Variants in BFSP1 observed in about 807,000 individuals in gnomAD.
The protein encoded by BFSP1 is beaded filament structural protein 1.
A neutral mutation model predicts 43.9 loss-of-function variants in BFSP1; 38 were observed. The observed-to-expected ratio is 0.87, with a 90% CI of 0.67 to 1.14. The LOEUF (loss-of-function observed/expected upper bound fraction) is 1.14, where lower values mean the gene tolerates loss of function less well. BFSP1 is among the 50% of genes most tolerant of loss of function. The pLI, the probability that BFSP1 is intolerant of heterozygous loss-of-function variation, is 0.00. For missense variants in BFSP1, 850 were observed against 875.1 expected (o/e 0.97, Z 0.36); for synonymous variants, 352 against 354.8 (o/e 0.99, Z 0.09).
chr20:17,516,568 T>C (rs2034205879), intron 2 of BFSP1, among the ~76,000 whole-genome samples: 1 of 152,186 alleles, frequency 6.6e-6, no homozygotes, highest in Non-Finnish European at 1.5e-5. Flanking sequence ...TGTATGGACC[T>C]TGGGGGCCTG....
intron 7 of BFSP1, 55 bp downstream of exon 7, chr20:17,496,883 G>A (rs1205369464): frequency 1.1e-5 from 15 of 1,386,804 alleles, no homozygotes; most frequent in African/African-American, 3.0e-5. Context: ...GAAGAGAGCC[G>A]CTTGGTTTTT....
chr20:17,566,091 C>T (rs139182813), intron 1 of BFSP1, among the ~76,000 whole-genome samples: 42 of 137,262 alleles, frequency 3.1e-4, no homozygotes, highest in African/African-American at 1.1e-3. Flanking sequence ...GTACTCCAGC[C>T]TGGGTGACAG....
rs111460840 is a variant in BFSP1 at position 17,541,114 on chromosome 20, C to T, written c.3-16206G>A. On this transcript the variant is annotated intron_variant, in intron 1 of 7. Coordinates refer to the BFSP1 transcript ENST00000377868. ...CTGAGGCGGGAGGATCACTGGAGAC[C>T]GGGAGTTCAAGGCTGCAGTGAGCAA... 1,544 of 285,476 alleles carry T rather than the reference C, an allele frequency of 5.4e-3. 24 individuals carry two copies. The highest frequency in any genetic ancestry group is 0.033 in the African/African-American group (1,462 of 43,702). The allele number at this position is 285,476 out of a possible 1,614,324, so 17.7% of individuals were successfully genotyped here.
chr20:17,534,843 A>AC (rs1459906946), upstream of BFSP1, among the ~76,000 whole-genome samples: 1 of 151,982 alleles, frequency 6.6e-6, no homozygotes, highest in East Asian at 1.9e-4. Context: ...ACATGGTGAA[A>AC]CCCCATCTCT....
chr20:17,498,931 T>C lies in BFSP1; in HGVS notation c.845A>G (p.Glu282Gly). ...GTAAGAAGACTTCTCCAGGACCCGCTCTGTCTCCTCAATCTCCTTGCGCAG... is the reference window on the plus strand; with the variant it reads ...GTAAGAAGACTTCTCCAGGACCCGCCCTGTCTCCTCAATCTCCTTGCGCAG... ...ETLRKEIEET[E>G]RVLEKSSYDC... is the part of the protein sequence containing the mutation. Residue 282 changes from glutamate to glycine, a missense_variant, in exon 6 of 8, where the codon GAG (glutamate) becomes GGG (glycine). Transcript: ENST00000377873. The C allele has an allele frequency of 6.2e-7, 1 of 1,614,214 alleles. No homozygotes were observed. Among genetic ancestry groups the C allele is most frequent in the South Asian group, 1.1e-5 (1 of 91,084 alleles).
At chr20:17,515,456 CA>C (rs2034178307) in intron 2 of BFSP1, among the ~76,000 whole-genome samples, 1 of 152,172 alleles carries the variant, frequency 6.6e-6, no homozygotes, top group Non-Finnish European at 1.5e-5. Flanking sequence ...ATCTTTCATA[CA>C]AAAATGCATT....
upstream of BFSP1, among the ~76,000 whole-genome samples, chr20:17,533,186 TTTA>T (rs1286325630): frequency 2.0e-5 from 3 of 152,048 alleles, no homozygotes; most frequent in African/African-American, 7.2e-5. Flanking sequence ...CCCCATTTCT[TTTA>T]TTTATAAAAA....
chr20:17,523,785 T>C (rs2034363857), intron 2 of BFSP1, among the ~76,000 whole-genome samples: 1 of 151,920 alleles, frequency 6.6e-6, no homozygotes, highest in African/African-American at 2.4e-5. Flanking sequence ...GAGGGGCAGG[T>C]AACATAGACA....
rs1085307126 is a variant in BFSP1 at position 17,496,938 on chromosome 20, C to T, written c.1042G>A (p.Asp348Asn). ...GAAGTCCAGTGTTGGGGAGCGTTACCTTTCCCACCGGATCCAGTGCTGAGA... is the reference window on the plus strand; with the variant it reads ...GAAGTCCAGTGTTGGGGAGCGTTACTTTTCCCACCGGATCCAGTGCTGAGA... The part of the protein sequence containing the change: ...VSLSTGSGGK[D>N]LTRALQDITA... The change falls in exon 7 of 8, where the codon GAT (aspartate) becomes AAT (asparagine). Residue 348 changes from aspartate to asparagine, a missense_variant and splice_region_variant. Transcript: ENST00000377873. The T allele has an allele frequency of 6.5e-7, 1 of 1,532,862 alleles. No homozygotes were observed. 95.0% of individuals were successfully genotyped at this position (1,532,862 alleles called of 1,614,324 possible). A position where few individuals can be genotyped will look rare whatever the true frequency, so the allele number is the denominator to read the frequency against.
intron 6 of BFSP1, 30 bp from the exon 7 acceptor site, chr20:17,497,053 A>G (rs2033650205): frequency 6.7e-7 from 1 of 1,490,924 alleles, no homozygotes. Flanking sequence ...AGAACAAGCC[A>G]AACAGAGGTC....
intron 1 of BFSP1, among the ~76,000 whole-genome samples, chr20:17,529,970 C>G (rs556965531): frequency 1.3e-5 from 2 of 152,160 alleles, no homozygotes; most frequent in South Asian, 4.1e-4. Flanking sequence ...TTTAACAGCT[C>G]CTATGTGATT....
At chr20:17,511,910 C>T in intron 4 of BFSP1, 66 bp downstream of exon 4, 1 of 1,433,452 alleles carries the variant, frequency 7.0e-7, no homozygotes, top group Non-Finnish European at 9.8e-7. Flanking sequence ...GTGAGCCCTT[C>T]CCTGGGAGTC....
intron 5 of BFSP1, among the ~76,000 whole-genome samples, chr20:17,502,193 T>C: frequency 6.6e-6 from 1 of 151,064 alleles, no homozygotes; most frequent in Admixed American, 6.6e-5. Context: ...AAAAAAATAG[T>C]ACCTTTCCGG....
In BFSP1 at chr20:17,540,732, G is replaced by A. The variant is rs147298116; in HGVS notation, c.3-15824C>T. Among the ~76,000 whole-genome samples, 683 of 152,212 alleles carry A rather than the reference G, an allele frequency of 4.5e-3. 12 individuals are homozygous for A. The highest frequency in any genetic ancestry group is 0.019 in the East Asian group (97 of 5,180). On this transcript the variant is annotated intron_variant, in intron 1 of 7. Coordinates refer to the BFSP1 transcript ENST00000377868. Reference sequence around the variant, plus strand: ...CTCCGGGTGCCTCTCATGTCCTCTAGCTTCCTGTAGGGTTTGGCAAATGGG... The same window carrying A: ...CTCCGGGTGCCTCTCATGTCCTCTAACTTCCTGTAGGGTTTGGCAAATGGG...
rs577672397 is a variant in BFSP1, at chr20:17,529,090, T to TGTGTGTGTGTGTGA, written c.377+1862_377+1863insTCACACACACACAC. On this transcript the variant is annotated intron_variant, in intron 1 of 7. Coordinates refer to ENST00000377873, the MANE Select transcript of BFSP1 (RefSeq NM_001195.5). ...GTGTGTGTGTGTGTGTGTGTGTGTGTGAGACAGAGTCTCACTCTGTCACCC... is the reference window on the plus strand; with the variant it reads ...GTGTGTGTGTGTGTGTGTGTGTGTGTGTGTGTGTGTGTGAGAGACAGAGTCTCACTCTGTCACCC... 7.7e-3 allele frequency among the ~76,000 whole-genome samples: 1,173 copies of TGTGTGTGTGTGTGA among 151,588 alleles called. 19 individuals are homozygous for TGTGTGTGTGTGTGA. The highest frequency in any genetic ancestry group is 0.027 in the African/African-American group (1,121 of 41,042).
At chr20:17,567,499 G>A (rs1258674863) in intron 1 of BFSP1, among the ~76,000 whole-genome samples, 1 of 152,076 alleles carries the variant, frequency 6.6e-6, no homozygotes, top group Non-Finnish European at 1.5e-5. Context: ...GGCCATCTAA[G>A]ACTCCACCCC....
chr20:17,542,992 A>G (rs115332833), intron 1 of BFSP1, among the ~76,000 whole-genome samples: 218 of 152,350 alleles, frequency 1.4e-3, no homozygotes, highest in African/African-American at 5.1e-3. Context: ...CAGCACCGCT[A>G]GAGGAATCTG....
intron 1 of BFSP1, among the ~76,000 whole-genome samples, chr20:17,527,153 C>T (rs1343318008): frequency 6.6e-6 from 1 of 152,234 alleles, no homozygotes; most frequent in Non-Finnish European, 1.5e-5. Flanking sequence ...TGAGTTCTAT[C>T]TAGGAAACTA....
chr20:17,530,673 C>T (rs923213091), intron 1 of BFSP1, among the ~76,000 whole-genome samples: 3 of 152,054 alleles, frequency 2.0e-5, no homozygotes, highest in Admixed American at 2.0e-4. Context: ...CTGAACTATG[C>T]ACTTCAAATC....
Sources: allele counts gnomAD v4.1 joint callset (sites outside exome capture counted in the v4.1 genomes callset), GRCh38; gene constraint gnomAD v4.1.1; transcripts MANE v1.5; gene names NCBI Gene and HGNC (gene_info 2026-07-23, HGNC 2026-07-21).